Variants in SCMH1 observed in about 807,000 individuals in gnomAD.
SCMH1 encodes Scm polycomb group protein homolog 1, also known as polycomb protein SCMH1.
In SCMH1, 37 loss-of-function variants were observed where a neutral mutation model predicts 70.8. The ratio of observed to expected loss-of-function variants is 0.52; its 90% CI spans 0.40 to 0.69. The LOEUF (loss-of-function observed/expected upper bound fraction) is 0.69. Ranked by LOEUF, SCMH1 falls within the 30% of genes least tolerant of loss-of-function variation. SCMH1 has a pLI of 0.00. For synonymous variants in SCMH1, 292 were observed against 307.4 expected, an observed-to-expected ratio of 0.95 and a Z score of 0.52; for missense variants, 607 against 827.3, an observed-to-expected ratio of 0.73 and a Z score of 3.27.
chr1:41,153,544 A>G lies in SCMH1; in HGVS notation c.107-1860T>C, dbSNP rs184385529. Among the ~76,000 whole-genome samples, 7 of 152,276 alleles carry G rather than the reference A, an allele frequency of 4.6e-5. No individual in the cohort carries two copies. The East Asian group carries it at 1.2e-3, about 25-fold the overall frequency. On this transcript the variant is annotated intron_variant, in intron 4 of 14. Transcript: ENST00000337495. ...TATTAATTACAGTTCTCCATTATACATATCAACCATGGTAATCAATCCCTA... is the reference window on the plus strand; with the variant it reads ...TATTAATTACAGTTCTCCATTATACGTATCAACCATGGTAATCAATCCCTA...
chr1:41,241,716 CCCACG>C (rs1285909894), intron 1 of SCMH1, among the ~76,000 whole-genome samples: 1 of 151,898 alleles, frequency 6.6e-6, no homozygotes, highest in Non-Finnish European at 1.5e-5. Flanking sequence ...ACGGACCGCC[CCCACG>C]CCGACCCTCC....
chr1:41,028,723 G>A lies in SCMH1; in HGVS notation c.1682C>T (p.Ser561Leu), dbSNP rs146565042. ...ATCGCGGCTCTCCAGGTATCGGTCC[G>A]ACCCTGCAGGACAGGAGGGCACCTA... The change falls in exon 14 of 15, where the codon TCG becomes TTG. Residue 561 changes from serine to leucine, a missense_variant. Ser to Leu is a moderately radical substitution (Grantham distance 145). Transcript: ENST00000337495. The A allele has an allele frequency of 2.2e-5, 35 of 1,613,780 alleles. No homozygotes were observed. The highest frequency in any genetic ancestry group is 2.9e-5 in the Non-Finnish European group (34 of 1,179,982).
intron 6 of SCMH1, among the ~76,000 whole-genome samples, chr1:41,127,682 C>T (rs1557566692): frequency 6.6e-6 from 1 of 152,110 alleles, no homozygotes. Context: ...TACCCAGAGA[C>T]AGGGTTGTTA....
At chr1:41,241,465 G>C (rs913310453) in intron 1 of SCMH1, among the ~76,000 whole-genome samples, 2 of 151,886 alleles carry the variant, frequency 1.3e-5, no homozygotes, top group African/African-American at 2.4e-5. Context: ...CCAGGACGCT[G>C]CTGACAGCTC....
chr1:41,197,119 C>G (rs1458900591), intron 1 of SCMH1, among the ~76,000 whole-genome samples: 1 of 152,056 alleles, frequency 6.6e-6, no homozygotes, highest in African/African-American at 2.4e-5. Context: ...GGTATAGCTG[C>G]TGTGGAAAAT....
chr1:41,046,640 G>A, intron 11 of SCMH1, 42 bp from the exon 12 acceptor site: 1 of 1,500,756 alleles, frequency 6.7e-7, no homozygotes, highest in Non-Finnish European at 9.3e-7. Flanking sequence ...CAGCCTGGCA[G>A]TGGAGTACAG....
chr1:41,031,328 A>C (rs1202845171), intron 13 of SCMH1, among the ~76,000 whole-genome samples: 3 of 150,704 alleles, frequency 2.0e-5, no homozygotes, highest in African/African-American at 7.3e-5. Flanking sequence ...CCCCTCCCCC[A>C]CCGCCACCAC....
At chr1:41,106,126 C>T (rs772762569) in intron 8 of SCMH1, among the ~76,000 whole-genome samples, 9 of 151,822 alleles carry the variant, frequency 5.9e-5, no homozygotes, top group East Asian at 5.8e-4. Context: ...CTGCCCGCCT[C>T]GGCCTCCCAA....
At chr1:41,208,690 G>T (rs185222111) in intron 1 of SCMH1, among the ~76,000 whole-genome samples, 1,966 of 152,192 alleles carry the variant, frequency 0.013, 41 homozygotes, top group African/African-American at 0.045. Context: ...TGAGAACAAA[G>T]AAACAACATA....
At chr1:41,232,597 T>C (rs530493065) in intron 1 of SCMH1, among the ~76,000 whole-genome samples, 83 of 152,318 alleles carry the variant, frequency 5.4e-4, no homozygotes, top group African/African-American at 2.0e-3. Context: ...GTCCTATTAC[T>C]TATAAACTGC....
At chr1:41,238,374 A>G (rs1662813578) in intron 1 of SCMH1, among the ~76,000 whole-genome samples, 1 of 152,206 alleles carries the variant, frequency 6.6e-6, no homozygotes, top group African/African-American at 2.4e-5. Context: ...AATGATTAAT[A>G]TGAGTCCTGA....
chr1:41,087,730 G>T (rs1662130673), intron 8 of SCMH1, among the ~76,000 whole-genome samples: 1 of 152,102 alleles, frequency 6.6e-6, no homozygotes, highest in African/African-American at 2.4e-5. Context: ...TAGCATCTCT[G>T]TGGAAGGGAA....
chr1:41,132,198 C>T (rs997275751), intron 6 of SCMH1, among the ~76,000 whole-genome samples: 21 of 152,274 alleles, frequency 1.4e-4, no homozygotes, highest in Admixed American at 3.3e-4. Flanking sequence ...TCCACATCCT[C>T]TCCAGCATCT....
At chr1:41,123,037 C>T (rs1178735338) in intron 6 of SCMH1, among the ~76,000 whole-genome samples, 1 of 152,196 alleles carries the variant, frequency 6.6e-6, no homozygotes, top group South Asian at 2.1e-4. Context: ...CTGGGCAACA[C>T]AGTGAGACCC....
intron 1 of SCMH1, among the ~76,000 whole-genome samples, chr1:41,231,813 G>A (rs1016311353): frequency 4.6e-5 from 7 of 152,044 alleles, no homozygotes; most frequent in Admixed American, 2.6e-4. Flanking sequence ...ACGAGGTCAG[G>A]AGTTCGAGAA....
intron 2 of SCMH1, among the ~76,000 whole-genome samples, chr1:41,178,763 T>TA (rs1360975093): frequency 6.6e-6 from 1 of 152,170 alleles, no homozygotes; most frequent in African/African-American, 2.4e-5. Flanking sequence ...CAAAGAGACT[T>TA]AGACTCCCAC....
chr1:41,116,953 G>A, exon 7 of SCMH1: 1 of 1,603,524 alleles, frequency 6.2e-7, no homozygotes, highest in Non-Finnish European at 8.5e-7. Flanking sequence ...AGCCATCTCT[G>A]CTCCATTTAG....
At chr1:41,103,908 C>T (rs984467629) in intron 8 of SCMH1, among the ~76,000 whole-genome samples, 1 of 152,150 alleles carries the variant, frequency 6.6e-6, no homozygotes, top group Admixed American at 6.5e-5. Context: ...ATCTACTCCA[C>T]CCATCTCACT....
At position 41,204,893 on chromosome 1, in the gene SCMH1, T is replaced by C. The variant is rs1488004416; in HGVS notation, c.-117-18643A>G. ...GGTATTTATTAATGAAATGGGTATA[T>C]GCTAATTTAATAGTAAGGAAAAAAG... On this transcript the variant is annotated intron_variant, in intron 1 of 14. Transcript: ENST00000337495. 2.0e-5 allele frequency among the ~76,000 whole-genome samples: 3 copies of C among 152,204 alleles called. No homozygotes were observed. The East Asian group carries it at 5.8e-4, about 29-fold the overall frequency.
Sources: allele counts gnomAD v4.1 joint callset (sites outside exome capture counted in the v4.1 genomes callset), GRCh38; gene constraint gnomAD v4.1.1; transcripts MANE v1.5; gene names NCBI Gene and HGNC (gene_info 2026-07-23, HGNC 2026-07-21).